Variants in OSBP2 observed in about 807,000 individuals in gnomAD.
OSBP2 encodes the protein oxysterol-binding protein 2.
Under a neutral mutation model 96.0 loss-of-function variants are expected in OSBP2, and 66 were observed. The observed-to-expected ratio is 0.69, with a 90% CI of 0.56 to 0.84. OSBP2 has a LOEUF of 0.84. Among genes scored for constraint, OSBP2 ranks in the 40% least tolerant of loss-of-function variants. OSBP2 has a pLI of 0.00. For synonymous variants in OSBP2, 525 were observed against 520.9 expected, an observed-to-expected ratio of 1.01 and a Z score of -0.11; for missense variants, 1,038 against 1,222.7, an observed-to-expected ratio of 0.85 and a Z score of 2.25.
At chr22:30,879,476 G>A (rs1013011807) in intron 3 of OSBP2, among the ~76,000 whole-genome samples, 9 of 152,240 alleles carry the variant, frequency 5.9e-5, no homozygotes, top group South Asian at 2.1e-4. Context: ...ATCGACCCCC[G>A]GTGGGGACTG....
chr22:30,737,264 C>T (rs551492255), intron 1 of OSBP2, among the ~76,000 whole-genome samples: 2 of 151,812 alleles, frequency 1.3e-5, no homozygotes, highest in East Asian at 3.9e-4. Context: ...GATCCTGCAG[C>T]CTCGGCGTCC....
intron 2 of OSBP2, among the ~76,000 whole-genome samples, chr22:30,777,127 C>T (rs1477814452): frequency 1.3e-5 from 2 of 152,124 alleles, no homozygotes; most frequent in African/African-American, 2.4e-5. Flanking sequence ...GGACTGTGGA[C>T]TTTTGAGTTA....
chr22:30,725,521 AAAAAAC>A (rs931936475), intron 1 of OSBP2, among the ~76,000 whole-genome samples: 1 of 147,970 alleles, frequency 6.8e-6, no homozygotes, highest in East Asian at 2.1e-4. Flanking sequence ...CCCCTCCACC[AAAAAAC>A]AAAAACAAAA....
chr22:30,728,972 C>T (rs1424784603), intron 1 of OSBP2, among the ~76,000 whole-genome samples: 1 of 152,070 alleles, frequency 6.6e-6, no homozygotes, highest in Non-Finnish European at 1.5e-5. Context: ...TTGGTACCTG[C>T]CTTCTGGTAA....
intron 2 of OSBP2, among the ~76,000 whole-genome samples, chr22:30,772,734 G>A (rs1302807157): frequency 6.6e-6 from 1 of 152,112 alleles, no homozygotes; most frequent in Non-Finnish European, 1.5e-5. Context: ...GCTGGCATGA[G>A]CCCCATGCCC....
rs1255977427 is a variant in OSBP2, at chr22:30,732,803, TC to T, written c.645-8354del. On this transcript the variant is annotated intron_variant, in intron 1 of 13. Transcript: ENST00000332585. ...CCTGAGGGGTATTTCTCCCTCGGTGTCCCCGCTAAGCCAGTAGGCCATTCCA... is the reference window on the plus strand; with the variant it reads ...CCTGAGGGGTATTTCTCCCTCGGTGTCCCGCTAAGCCAGTAGGCCATTCCA... Among the ~76,000 whole-genome samples, 9 of 152,242 alleles carry T rather than the reference TC, an allele frequency of 5.9e-5. No individual in the cohort carries two copies. The East Asian group carries it at 1.5e-3, about 26-fold the overall frequency.
intron 2 of OSBP2, among the ~76,000 whole-genome samples, chr22:30,848,542 G>C (rs1426336642): frequency 6.6e-6 from 1 of 152,122 alleles, no homozygotes; most frequent in Admixed American, 6.5e-5. Flanking sequence ...AAAAGATATA[G>C]AACATTTTAA....
intron 1 of OSBP2, among the ~76,000 whole-genome samples, chr22:30,730,775 T>TCTC (rs1312570366): frequency 4.6e-4 from 7 of 15,078 alleles, no homozygotes; most frequent in Non-Finnish European, 8.7e-4. Flanking sequence ...TCTCTCTCTC[T>TCTC]ATATATATAT....
In OSBP2 at chr22:30,889,629, C is replaced by G. The variant is rs747391730; in HGVS notation, c.1616C>G (p.Pro539Arg). ...NCIGRELSRIPMPVNFNEPLS... is the reference protein window; with the variant it reads ...NCIGRELSRIRMPVNFNEPLS... ...ATCGGCCGGGAGCTCTCCAGGATCC[C>G]CATGCCGGTGGGTGGCTCGGGCAGG... Residue 539 changes from proline (P) to arginine (R), a missense_variant, in exon 7 of 14, where the codon CCC (proline) becomes CGC (arginine). Pro to Arg is a moderately radical substitution (Grantham distance 103, BLOSUM62 -2). This residue lies in a region of OSBP2 where 737 missense variants were observed against 913.3 expected (regional missense o/e 0.81). Coordinates refer to ENST00000332585, the MANE Select transcript of OSBP2 (RefSeq NM_030758.4). 1 of 1,613,792 alleles carries G rather than the reference C, an allele frequency of 6.2e-7. No individual in the cohort carries two copies. The highest frequency in any genetic ancestry group is 1.3e-5 in the African/African-American group (1 of 74,916).
Position 30,838,895 on chromosome 22 carries a change from T to TTACATATGTATATGTA in OSBP2, c.854-31522_854-31521insTGTATACATATGTATA, listed in dbSNP as rs1602338749. Among the ~76,000 whole-genome samples, 3 of 151,884 alleles carry TTACATATGTATATGTA rather than the reference T, an allele frequency of 2.0e-5. No individual in the cohort carries two copies. The East Asian group carries it at 5.8e-4, about 29-fold the overall frequency. ...TACATGTGCACAATGTGCAGGTTAGTTACATATGTATACATGTGGCATGCT... is the reference window on the plus strand; with the variant it reads ...TACATGTGCACAATGTGCAGGTTAGTTACATATGTATATGTATACATATGTATACATGTGGCATGCT... On this transcript the variant is annotated intron_variant, in intron 2 of 13. Transcript: ENST00000332585.
At chr22:30,801,807 C>A (rs1434025781) in intron 2 of OSBP2, among the ~76,000 whole-genome samples, 1 of 152,000 alleles carries the variant, frequency 6.6e-6, no homozygotes, top group Non-Finnish European at 1.5e-5. Context: ...GACCCCATTT[C>A]AACAACAACA....
intron 2 of OSBP2, among the ~76,000 whole-genome samples, chr22:30,790,094 TG>T (rs1411365253): frequency 6.6e-6 from 1 of 152,146 alleles, no homozygotes; most frequent in East Asian, 1.9e-4. Flanking sequence ...TGCAGCCCCT[TG>T]GGTCAGCAGA....
In OSBP2 at chr22:30,874,555, G is replaced by A. The variant is rs141649768; in HGVS notation, c.1107+3873G>A. ...GAGGGGGGTCCTCTGGATGATTCCC[G>A]AGAGCCCAGGACCCACAGCTAGTGG... On this transcript the variant is annotated intron_variant, in intron 3 of 13. Transcript: ENST00000332585. Among the ~76,000 whole-genome samples the A allele has an allele frequency of 1.9e-3, 292 of 152,250 alleles. 1 individual carries two copies. The highest frequency in any genetic ancestry group is 6.7e-3 in the African/African-American group (277 of 41,542).
intron 3 of OSBP2, chr22:30,872,573 C>T (rs542755832): frequency 1.9e-5 from 7 of 359,654 alleles, no homozygotes; most frequent in African/African-American, 4.3e-5. Context: ...CTCCAGCATC[C>T]GGGGAACATG....
chr22:30,884,026 C>T (rs897014525), intron 3 of OSBP2, among the ~76,000 whole-genome samples: 4 of 152,148 alleles, frequency 2.6e-5, no homozygotes, highest in Admixed American at 1.3e-4. Context: ...CCTGGAGCTG[C>T]GTCTCCCAGG....
rs136288 is a variant in OSBP2, at chr22:30,795,518, A to ATTT, written c.853+54165_853+54167dup. Reference sequence around the variant, plus strand: ...TTCTGCCGTTAAACCTATCCAATGCATTTTTTTTTTTTTTTTTTGAGATGG... The same window carrying ATTT: ...TTCTGCCGTTAAACCTATCCAATGCATTTTTTTTTTTTTTTTTTTTTGAGATGG... On this transcript the variant is annotated intron_variant, in intron 2 of 13. Transcript: ENST00000332585. Among the ~76,000 whole-genome samples the ATTT allele has an allele frequency of 1.1e-3, 132 of 122,286 alleles. 1 individual carries two copies. The highest frequency in any genetic ancestry group is 2.2e-3 in the African/African-American group (70 of 32,050). 80.2% of individuals were successfully genotyped at this position (122,286 alleles called of 152,430 possible).
chr22:30,794,774 G>A (rs938204084), intron 2 of OSBP2, among the ~76,000 whole-genome samples: 1 of 149,550 alleles, frequency 6.7e-6, no homozygotes. Flanking sequence ...TCCAGCCTGG[G>A]CAACACAGTG....
intron 2 of OSBP2, among the ~76,000 whole-genome samples, chr22:30,794,082 C>A (rs970102294): frequency 4.6e-5 from 7 of 151,982 alleles, no homozygotes; most frequent in Non-Finnish European, 8.8e-5. Context: ...TTACTTCAAG[C>A]CAGGCATGGT....
intron 5 of OSBP2, among the ~76,000 whole-genome samples, chr22:30,888,711 A>C (rs770830928): frequency 1.1e-4 from 17 of 152,192 alleles, no homozygotes; most frequent in Admixed American, 6.5e-5. Flanking sequence ...CCTGGGCAAC[A>C]GAGAGACCCT....
Sources: gnomAD v4.1 joint callset for allele counts (sites outside exome capture counted in the v4.1 genomes callset) on GRCh38, gnomAD v4.1.1 for gene constraint, gnomAD v4.1.1 regional missense constraint, MANE v1.5 for transcripts, NCBI Gene and HGNC (gene_info 2026-07-23, HGNC 2026-07-21) for gene names.